Variants in RBFOX3 observed in about 807,000 individuals in gnomAD.
RBFOX3 encodes the protein RNA binding protein fox-1 homolog 3.
In RBFOX3, 17 loss-of-function variants were observed where a neutral mutation model predicts 48.7. That is an observed-to-expected ratio of 0.35 (90% CI 0.24 to 0.52). The LOEUF (loss-of-function observed/expected upper bound fraction) is 0.52. RBFOX3 is among the 20% of genes least tolerant of loss of function. The pLI is 0.94. For missense variants in RBFOX3, 382 were observed against 497.5 expected (o/e 0.77, Z 2.21); for synonymous variants, 212 against 209.5 (o/e 1.01, Z -0.10).
rs377471234 is a variant in RBFOX3, at chr17:79,336,712, G to A, written c.-174-28888C>T. On this transcript the variant is annotated intron_variant, in intron 2 of 14. Transcript: ENST00000693108. ...TCATTCAGGGGGATCACAACAGGGGGGTGGCTCTGAACCAGGAGGTGCACA... is the reference window on the plus strand; with the variant it reads ...TCATTCAGGGGGATCACAACAGGGGAGTGGCTCTGAACCAGGAGGTGCACA... Among the ~76,000 whole-genome samples the A allele has an allele frequency of 5.9e-5, 9 of 152,280 alleles. No homozygotes were observed. The South Asian group carries it at 1.4e-3, about 25-fold the overall frequency.
At chr17:79,322,112 C>T (rs946526766) in intron 2 of RBFOX3, among the ~76,000 whole-genome samples, 2 of 151,978 alleles carry the variant, frequency 1.3e-5, no homozygotes, top group South Asian at 2.1e-4. Context: ...CACAGAGAAA[C>T]GTCAGGGCCA....
chr17:79,547,477 A>AAG (rs1555792256), intron 1 of RBFOX3, among the ~76,000 whole-genome samples: 2 of 151,932 alleles, frequency 1.3e-5, no homozygotes, highest in African/African-American at 4.8e-5. Flanking sequence ...AAAACAAAAA[A>AAG]ACTGTTGCTT....
chr17:79,570,041 G>C (rs2092613190), intron 1 of RBFOX3, among the ~76,000 whole-genome samples: 1 of 150,706 alleles, frequency 6.6e-6, no homozygotes, highest in Admixed American at 6.6e-5. Context: ...GATGAATTAT[G>C]GATGGATGGT....
At chr17:79,647,322 C>A in the RBFOX3 span, among the ~76,000 whole-genome samples, 1 of 152,120 alleles carries the variant, frequency 6.6e-6, no homozygotes, top group Admixed American at 6.5e-5. Context: ...GAGTTCCTCT[C>A]TCCCATAGCC....
At chr17:79,118,998 G>T (rs796291753) in intron 4 of RBFOX3, among the ~76,000 whole-genome samples, 16 of 141,140 alleles carry the variant, frequency 1.1e-4, no homozygotes, top group East Asian at 2.4e-4. Context: ...AAAAAATAAA[G>T]AAAATAAAAT....
intron 2 of RBFOX3, among the ~76,000 whole-genome samples, chr17:79,353,765 A>C (rs1202303362): frequency 6.6e-6 from 1 of 152,012 alleles, no homozygotes; most frequent in African/African-American, 2.4e-5. Flanking sequence ...TGTCTGGCTG[A>C]AGGTGGAGAT....
chr17:79,383,031 A>AACACACACACACACACACACACAC (rs60851419), intron 2 of RBFOX3, among the ~76,000 whole-genome samples: 8 of 141,302 alleles, frequency 5.7e-5, no homozygotes, highest in South Asian at 2.3e-4. Context: ...CTGCCTCTCA[A>AACACACACACACACACACACACAC]ACACACACAC....
chr17:79,127,566 C>T (rs1032303874), intron 4 of RBFOX3, among the ~76,000 whole-genome samples: 1 of 152,084 alleles, frequency 6.6e-6, no homozygotes, highest in African/African-American at 2.4e-5. Flanking sequence ...TTATCTAAAA[C>T]GGATGAAGAT....
chr17:79,495,910 C>T (rs1465018897), intron 1 of RBFOX3, among the ~76,000 whole-genome samples: 1 of 151,870 alleles, frequency 6.6e-6, no homozygotes, highest in African/African-American at 2.4e-5. Flanking sequence ...CTGCAGGCCT[C>T]CAGCCTCGGC....
intron 3 of RBFOX3, among the ~76,000 whole-genome samples, chr17:79,259,016 C>T (rs957273808): frequency 5.3e-5 from 8 of 152,262 alleles, no homozygotes; most frequent in African/African-American, 1.9e-4. Flanking sequence ...TTTGCAGAGT[C>T]GCTTATCACT....
chr17:79,106,919 C>G (rs2077487017), intron 5 of RBFOX3, 131 bp from the exon 6 acceptor site: 2 of 1,241,936 alleles, frequency 1.6e-6, no homozygotes, highest in Non-Finnish European at 2.1e-6. Flanking sequence ...CATCCCTGGG[C>G]TGGGATCCTT....
intron 4 of RBFOX3, among the ~76,000 whole-genome samples, chr17:79,167,663 G>A (rs921499921): frequency 5.9e-5 from 9 of 152,172 alleles, no homozygotes; most frequent in African/African-American, 1.9e-4. Flanking sequence ...CAGAGGAAGC[G>A]TGCTTGGTGG....
At chr17:79,650,808 G>A in the RBFOX3 span, among the ~76,000 whole-genome samples, 23 of 152,116 alleles carry the variant, frequency 1.5e-4, no homozygotes, top group Non-Finnish European at 2.9e-4. Flanking sequence ...CGACGTCAGC[G>A]CCCACCAGTC....
intron 1 of RBFOX3, among the ~76,000 whole-genome samples, chr17:79,569,147 A>G (rs1405317839): frequency 6.6e-6 from 1 of 151,944 alleles, no homozygotes; most frequent in Non-Finnish European, 1.5e-5. Flanking sequence ...GGCCTTAATT[A>G]CATATCAAAT....
chr17:79,130,774 T>A (rs1880406312), intron 4 of RBFOX3, among the ~76,000 whole-genome samples: 1 of 152,246 alleles, frequency 6.6e-6, no homozygotes, highest in African/African-American at 2.4e-5. Context: ...GAGTGCCCTG[T>A]CCTTCAGCCC....
chr17:79,549,663 G>A (rs1156659284), intron 1 of RBFOX3, among the ~76,000 whole-genome samples: 1 of 152,204 alleles, frequency 6.6e-6, no homozygotes, highest in Non-Finnish European at 1.5e-5. Flanking sequence ...TGTGGGCACT[G>A]GGGAAGGAGA....
the RBFOX3 span, among the ~76,000 whole-genome samples, chr17:79,646,851 A>T: frequency 3.3e-5 from 5 of 152,044 alleles, no homozygotes; most frequent in Non-Finnish European, 7.4e-5. Context: ...GCAAGTGCTG[A>T]TCCATCTGCC....
chr17:79,382,576 G>A (rs989251913), intron 2 of RBFOX3, among the ~76,000 whole-genome samples: 1 of 152,216 alleles, frequency 6.6e-6, no homozygotes, highest in Non-Finnish European at 1.5e-5. Flanking sequence ...ACATGTGCTT[G>A]CTGGGGAAGC....
chr17:79,406,689 C>T (rs1325728555), intron 2 of RBFOX3, among the ~76,000 whole-genome samples: 7 of 152,146 alleles, frequency 4.6e-5, no homozygotes, highest in Admixed American at 6.5e-5. Context: ...AACATGACCA[C>T]GTCGCATGGA....
Sources: gnomAD v4.1 joint callset for allele counts (sites outside exome capture counted in the v4.1 genomes callset) on GRCh38, gnomAD v4.1.1 for gene constraint, MANE v1.5 for transcripts, NCBI Gene and HGNC (gene_info 2026-07-23, HGNC 2026-07-21) for gene names.